Variants in SLC10A7 observed in about 807,000 individuals in gnomAD.
SLC10A7 encodes the protein solute carrier family 10 member 7.
SLC10A7 carries 29 observed loss-of-function variants against 43.2 expected under a neutral mutation model. That is an observed-to-expected ratio of 0.67 (90% CI 0.50 to 0.92). The LOEUF is 0.92. Ranked by LOEUF, SLC10A7 falls within the 40% of genes least tolerant of loss-of-function variation. The pLI, the probability that SLC10A7 is intolerant of heterozygous loss-of-function variation, is 0.00. For synonymous variants in SLC10A7, 152 were observed against 144.8 expected, an observed-to-expected ratio of 1.05 and a Z score of -0.35; for missense variants, 295 against 403.2, an observed-to-expected ratio of 0.73 and a Z score of 2.30.
chr4:146,399,061 T>A (rs1181497723), intron 5 of SLC10A7, among the ~76,000 whole-genome samples: 2 of 152,160 alleles, frequency 1.3e-5, no homozygotes, highest in Admixed American at 1.3e-4. Context: ...TAGAAAGCAC[T>A]AGGGCGGTAT....
At chr4:146,288,214 A>G (rs1730164303) in intron 9 of SLC10A7, among the ~76,000 whole-genome samples, 1 of 152,204 alleles carries the variant, frequency 6.6e-6, no homozygotes, top group African/African-American at 2.4e-5. Context: ...AATAGGGTTG[A>G]CTTGTACTCT....
At chr4:146,406,977 C>T (rs1727758342) in intron 5 of SLC10A7, among the ~76,000 whole-genome samples, 1 of 152,106 alleles carries the variant, frequency 6.6e-6, no homozygotes, top group African/African-American at 2.4e-5. Flanking sequence ...AGTGAGACTA[C>T]ATCTGAAAAA....
At chr4:146,454,484 C>T (rs992917396) in intron 4 of SLC10A7, among the ~76,000 whole-genome samples, 16 of 151,890 alleles carry the variant, frequency 1.1e-4, no homozygotes, top group African/African-American at 2.4e-5. Context: ...CTTGCACCCT[C>T]TCTATTACAT....
At chr4:146,442,980 G>A (rs537763719) in intron 4 of SLC10A7, among the ~76,000 whole-genome samples, 159 bp from the exon 5 acceptor site, 121 of 152,294 alleles carry the variant, frequency 7.9e-4, no homozygotes, top group Non-Finnish European at 1.4e-3. Flanking sequence ...CCAGTGGCCT[G>A]TAGTTTACTA....
chr4:146,516,728 T>G (rs1738033721), intron 2 of SLC10A7, among the ~76,000 whole-genome samples: 1 of 152,060 alleles, frequency 6.6e-6, no homozygotes, highest in South Asian at 2.1e-4. Flanking sequence ...TGCCCAGGCA[T>G]AGCAGGCACC....
intron 4 of SLC10A7, among the ~76,000 whole-genome samples, chr4:146,470,101 C>T (rs1733425927): frequency 6.6e-6 from 1 of 152,102 alleles, no homozygotes; most frequent in Non-Finnish European, 1.5e-5. Context: ...TGACAACAGG[C>T]AGCATACAGA....
chr4:146,450,738 A>T (rs551610840), intron 4 of SLC10A7, among the ~76,000 whole-genome samples: 1 of 152,290 alleles, frequency 6.6e-6, no homozygotes, highest in East Asian at 1.9e-4. Flanking sequence ...CACTACCTAC[A>T]TGACTCATGA....
chr4:146,318,881 T>A (rs1457134730), intron 6 of SLC10A7, among the ~76,000 whole-genome samples: 1 of 152,032 alleles, frequency 6.6e-6, no homozygotes, highest in Admixed American at 6.6e-5. Context: ...CTTCATTCAA[T>A]CTCTTAGTTC....
At chr4:146,505,508 C>T (rs1011708379) in intron 3 of SLC10A7, among the ~76,000 whole-genome samples, 5 of 152,118 alleles carry the variant, frequency 3.3e-5, no homozygotes, top group African/African-American at 1.2e-4. Flanking sequence ...GGGTTGGCAC[C>T]TCTAAGCCTC....
intron 10 of SLC10A7, among the ~76,000 whole-genome samples, chr4:146,279,622 T>G (rs1729419469): frequency 6.6e-6 from 1 of 152,150 alleles, no homozygotes; most frequent in Admixed American, 6.6e-5. Context: ...AACCCTGAGC[T>G]GAAACTATAG....
intron 9 of SLC10A7, among the ~76,000 whole-genome samples, chr4:146,283,673 C>A (rs984940340): frequency 6.6e-6 from 1 of 152,098 alleles, no homozygotes; most frequent in African/African-American, 2.4e-5. Context: ...AGCAAACACA[C>A]ACTTAAGAAT....
At chr4:146,496,602 G>A (rs957545011) in intron 4 of SLC10A7, among the ~76,000 whole-genome samples, 1 of 152,062 alleles carries the variant, frequency 6.6e-6, no homozygotes, top group Non-Finnish European at 1.5e-5. Context: ...TGAAAAACCT[G>A]GCCTTGTTAA....
In SLC10A7 at chr4:146,325,957, T is replaced by A. The variant is rs1244215002; in HGVS notation, c.471+4A>T. On this transcript the variant is annotated splice_donor_region_variant and intron_variant, in intron 6 of 11. Transcript: ENST00000335472. ...TATATTAAAGACAACATCAAAATAC[T>A]CACAAAAAGCAGCAGGAGCAGGGGT... 4.3e-6 allele frequency: 7 copies of A among 1,610,698 alleles called. No individual in the cohort carries two copies. The highest frequency in any genetic ancestry group is 5.9e-6 in the Non-Finnish European group (7 of 1,178,086).
At chr4:146,508,125 C>G (rs576376044) in intron 3 of SLC10A7, among the ~76,000 whole-genome samples, 12 of 152,294 alleles carry the variant, frequency 7.9e-5, no homozygotes, top group Non-Finnish European at 1.6e-4. Context: ...AATATTTTAT[C>G]TTTGTATCTC....
At chr4:146,483,364 C>A (rs752262060) in intron 4 of SLC10A7, among the ~76,000 whole-genome samples, 4 of 151,968 alleles carry the variant, frequency 2.6e-5, no homozygotes, top group Non-Finnish European at 5.9e-5. Flanking sequence ...GGCTAAAGTT[C>A]TTGTATGTGA....
chr4:146,304,902 A>G (rs6849067), intron 7 of SLC10A7, among the ~76,000 whole-genome samples: 71,546 of 151,288 alleles, frequency 0.47, 17,176 homozygotes, highest in Admixed American at 0.57. Context: ...TTTGTAGGTC[A>G]CTCAGGACTT....
At chr4:146,361,303 A>T (rs1267196188) in intron 5 of SLC10A7, among the ~76,000 whole-genome samples, 1 of 152,210 alleles carries the variant, frequency 6.6e-6, no homozygotes, top group East Asian at 1.9e-4. Context: ...TTTATTGTTC[A>T]ATGAGAAATA....
intron 5 of SLC10A7, among the ~76,000 whole-genome samples, chr4:146,333,962 C>T (rs1002054026): frequency 1.3e-5 from 2 of 152,044 alleles, no homozygotes; most frequent in African/African-American, 2.4e-5. Context: ...GATGGACCAA[C>T]AGAACAGATT....
At chr4:146,372,016 T>C (rs1736816815) in intron 5 of SLC10A7, among the ~76,000 whole-genome samples, 2 of 152,328 alleles carry the variant, frequency 1.3e-5, no homozygotes, top group South Asian at 4.1e-4. Context: ...GTTACTTCTA[T>C]CTGGATGTTC....
Sources: allele counts gnomAD v4.1 joint callset (sites outside exome capture counted in the v4.1 genomes callset), GRCh38; gene constraint gnomAD v4.1.1; transcripts MANE v1.5; gene names NCBI Gene and HGNC (gene_info 2026-07-23, HGNC 2026-07-21).